CWH43: variants seen among roughly 807,000 people sequenced by gnomAD.
The protein encoded by CWH43 is cell wall biogenesis 43 C-terminal homolog.
Under a neutral mutation model 85.7 loss-of-function variants are expected in CWH43, and 91 were observed. The ratio of observed to expected loss-of-function variants is 1.06; its 90% CI spans 0.90 to 1.26. The LOEUF is 1.26. CWH43 is among the 50% of genes most tolerant of loss of function. The probability of loss-of-function intolerance (pLI) is 0.00; values close to 1 mark genes in which losing one functional copy is unlikely to be tolerated. For missense variants in CWH43, 869 were observed against 839.2 expected, an observed-to-expected ratio of 1.04 and a Z score of -0.44; for synonymous variants, 323 against 293.6, an observed-to-expected ratio of 1.10 and a Z score of -1.02.
chr4:49,049,529 AAACAGCAACAACAACAAC>A (rs1250748836), intron 14 of CWH43, among the ~76,000 whole-genome samples: 2 of 151,960 alleles, frequency 1.3e-5, no homozygotes, highest in South Asian at 2.1e-4. Context: ...CTAAAAAAAA[AAACAGCAACAACAACAAC>A]AACAGCAACA....
Position 48,986,477 on chromosome 4 carries a change from G to A in CWH43, c.43+5G>A, listed in dbSNP as rs1227427287. The stretch of plus-strand genomic sequence containing the variant: ...TCCTCTTGGAGTCGCTGCTGGGTAA[G>A]CCGAAGCCCCTCGCCGCGAGTTCGC... On this transcript the variant is annotated splice_donor_5th_base_variant and intron_variant, in intron 1 of 15. Coordinates refer to ENST00000226432, the MANE Select transcript of CWH43 (RefSeq NM_025087.3). 7.7e-6 allele frequency: 12 copies of A among 1,554,062 alleles called. No individual in the cohort carries two copies.
At chr4:49,017,069 G>A (rs1226215397) in intron 8 of CWH43, 180 bp from the exon 9 acceptor site, 13 of 736,154 alleles carry the variant, frequency 1.8e-5, no homozygotes, top group East Asian at 5.2e-5. Context: ...CCTTGGTCAC[G>A]TTCAGTGTCA....
intron 14 of CWH43, among the ~76,000 whole-genome samples, chr4:49,049,723 C>T (rs1784738095): frequency 3.9e-5 from 6 of 152,180 alleles, no homozygotes; most frequent in Admixed American, 3.9e-4. Context: ...CACCATTCCT[C>T]CAGTATCTGT....
chr4:48,993,548 A>T (rs921376874), intron 4 of CWH43, among the ~76,000 whole-genome samples: 5 of 152,162 alleles, frequency 3.3e-5, no homozygotes, highest in Admixed American at 1.3e-4. Context: ...CATCTGCCCA[A>T]TAGGCTCTCT....
chr4:49,032,628 A>C lies in CWH43; in HGVS notation c.1571A>C (p.Glu524Ala). 1 of 1,614,080 alleles carries C rather than the reference A, an allele frequency of 6.2e-7. No individual in the cohort carries two copies. Residue 524 changes from glutamate to alanine, a missense_variant, in exon 12 of 16, where the codon GAG (glutamate) becomes GCG (alanine). Physicochemically the swap from Glu to Ala is moderately radical, Grantham distance 107 (BLOSUM62 -1). This residue lies in a region of CWH43 where 577 missense variants were observed against 513.1 expected (regional missense o/e 1.12). Coordinates refer to ENST00000226432, the MANE Select transcript of CWH43 (RefSeq NM_025087.3). ...KSEHHLLPSP[E>A]GEIAPAITLT... ...GAGCATCACCTTCTTCCGTCACCAG[A>C]GGGCGAGATCGCACCAGCCATCACA...
Position 49,050,859 on chromosome 4 carries a change from T to C in CWH43, c.2021+10T>C. On this transcript the variant is annotated intron_variant, in intron 15 of 15. Transcript: ENST00000226432. ...TTCATTTTAATCCCAGGTGAGTTCCTTTATGCTGTAGTTCCAGTTATGAGC... is the reference window on the plus strand; with the variant it reads ...TTCATTTTAATCCCAGGTGAGTTCCCTTATGCTGTAGTTCCAGTTATGAGC... 6.2e-7 allele frequency: 1 copy of C among 1,605,164 alleles called. No homozygotes were observed. Among genetic ancestry groups the C allele is most frequent in the East Asian group, 2.2e-5 (1 of 44,708 alleles).
intron 8 of CWH43, among the ~76,000 whole-genome samples, chr4:49,009,668 G>C (rs1186007800): frequency 6.6e-6 from 1 of 152,158 alleles, no homozygotes; most frequent in African/African-American, 2.4e-5. Flanking sequence ...CTAGTTTATT[G>C]AGGGTTTTTA....
chr4:49,032,767 A>T, intron 12 of CWH43, 52 bp downstream of exon 12: 1 of 1,584,264 alleles, frequency 6.3e-7, no homozygotes, highest in Non-Finnish European at 8.7e-7. Context: ...AAATGTTATT[A>T]ACAATGTACT....
At chr4:49,011,398 C>T (rs1181129147) in intron 8 of CWH43, among the ~76,000 whole-genome samples, 2 of 152,138 alleles carry the variant, frequency 1.3e-5, no homozygotes, top group Non-Finnish European at 2.9e-5. Flanking sequence ...CTCCTGAATA[C>T]AGCACAGTAA....
At chr4:48,996,752 G>T (rs1782827392) in intron 5 of CWH43, among the ~76,000 whole-genome samples, 1 of 152,178 alleles carries the variant, frequency 6.6e-6, no homozygotes, top group Non-Finnish European at 1.5e-5. Context: ...CCCTGGCCTT[G>T]CTTTACTCAC....
At chr4:49,025,051 A>G (rs952272418) in intron 9 of CWH43, among the ~76,000 whole-genome samples, 1 of 151,448 alleles carries the variant, frequency 6.6e-6, no homozygotes, top group African/African-American at 2.4e-5. Flanking sequence ...TATCTTTTAA[A>G]TTTTTTTTCC....
intron 2 of CWH43, among the ~76,000 whole-genome samples, chr4:48,990,391 C>T (rs1259081426): frequency 2.0e-5 from 3 of 152,108 alleles, no homozygotes; most frequent in Admixed American, 6.5e-5. Context: ...TAAAGTAAGC[C>T]ACGATTTGTC....
chr4:49,003,567 T>C, intron 6 of CWH43, 168 bp from the exon 7 acceptor site: 5 of 645,770 alleles, frequency 7.7e-6, no homozygotes, highest in Non-Finnish European at 1.3e-5. Context: ...TAACTGGCTG[T>C]GTGACATTAG....
chr4:49,038,240 G>A (rs1784322102), intron 13 of CWH43, 60 bp downstream of exon 13: 1 of 1,430,020 alleles, frequency 7.0e-7, no homozygotes, highest in African/African-American at 1.5e-5. Context: ...TTTCTTTCAT[G>A]TTTTTAAAAA....
At chr4:49,055,676 A>C (rs1223526507) in intron 15 of CWH43, among the ~76,000 whole-genome samples, 4 of 149,838 alleles carry the variant, frequency 2.7e-5, no homozygotes, top group Non-Finnish European at 4.4e-5. Flanking sequence ...TGCAACTTCC[A>C]CCTCCCAGGT....
chr4:49,006,186 G>GA (rs1258165278), intron 7 of CWH43, among the ~76,000 whole-genome samples: 6 of 151,692 alleles, frequency 4.0e-5, no homozygotes, highest in Non-Finnish European at 5.9e-5. Flanking sequence ...TCTGCCATGA[G>GA]AAAAAAACAA....
At chr4:49,001,011 T>C (rs961625034) in intron 6 of CWH43, among the ~76,000 whole-genome samples, 9 of 152,056 alleles carry the variant, frequency 5.9e-5, no homozygotes, top group African/African-American at 2.2e-4. Context: ...GATTCATCTC[T>C]GGAAACCACA....
At chr4:49,057,212 G>A (rs539971717) in intron 15 of CWH43, among the ~76,000 whole-genome samples, 1 of 152,324 alleles carries the variant, frequency 6.6e-6, no homozygotes, top group South Asian at 2.1e-4. Context: ...ATGTGCCTAA[G>A]GTGGTCAGAG....
chr4:49,030,728 A>G (rs1784067776), intron 10 of CWH43, 97 bp from the exon 11 acceptor site: 10 of 1,216,926 alleles, frequency 8.2e-6, no homozygotes, highest in African/African-American at 3.1e-5. Context: ...TTTATCAGTA[A>G]AGAAAAAAAG....
Sources: gnomAD v4.1 joint callset for allele counts (sites outside exome capture counted in the v4.1 genomes callset) on GRCh38, gnomAD v4.1.1 for gene constraint, gnomAD v4.1.1 regional missense constraint, MANE v1.5 for transcripts, NCBI Gene and HGNC (gene_info 2026-07-23, HGNC 2026-07-21) for gene names.